Variants in EEPD1 observed in about 807,000 individuals in gnomAD.
EEPD1 encodes endonuclease/exonuclease/phosphatase family domain-containing protein 1.
Under a neutral mutation model 46.3 loss-of-function variants are expected in EEPD1, and 17 were observed. The ratio of observed to expected loss-of-function variants is 0.37; its 90% CI spans 0.25 to 0.55. EEPD1 has a LOEUF of 0.55. Among genes scored for constraint, EEPD1 ranks in the 20% least tolerant of loss-of-function variants. The pLI is 0.83. For synonymous variants in EEPD1, 313 were observed against 315.6 expected, an observed-to-expected ratio of 0.99 and a Z score of 0.09; for missense variants, 673 against 745.6, an observed-to-expected ratio of 0.90 and a Z score of 1.13.
chr7:36,299,444 C>T lies in EEPD1; in HGVS notation c.*238C>T. 8 of 570,346 alleles carry T rather than the reference C, an allele frequency of 1.4e-5. 1 individual carries two copies. The South Asian group carries it at 1.7e-4, about 12-fold the overall frequency. 35.3% of individuals were successfully genotyped at this position (570,346 alleles called of 1,614,324 possible). On this transcript the variant is annotated 3_prime_UTR_variant, in exon 8 of 8. Coordinates refer to ENST00000242108, the MANE Select transcript of EEPD1 (RefSeq NM_030636.3). ...AGAAACCTGCGGGGAGCGGAGACGC[C>T]TTTTATCTCTGGATGCCACAGACCT...
At chr7:36,295,785 C>T (rs1787513085) in intron 6 of EEPD1, among the ~76,000 whole-genome samples, 1 of 152,076 alleles carries the variant, frequency 6.6e-6, no homozygotes, top group African/African-American at 2.4e-5. Context: ...AATCCCAGCA[C>T]TTTGGGAGGG....
At chr7:36,184,033 G>A (rs917683396) in intron 2 of EEPD1, among the ~76,000 whole-genome samples, 2 of 151,878 alleles carry the variant, frequency 1.3e-5, no homozygotes, top group African/African-American at 4.8e-5. Flanking sequence ...CTTTTCTCTT[G>A]TGCAGGGATC....
At chr7:36,172,617 GTTT>G (rs70977113) in intron 2 of EEPD1, among the ~76,000 whole-genome samples, 9,150 of 100,014 alleles carry the variant, frequency 0.091, 407 homozygotes, top group African/African-American at 0.19. Flanking sequence ...AATATTATGA[GTTT>G]TTTTTTTTTT....
intron 2 of EEPD1, among the ~76,000 whole-genome samples, chr7:36,220,320 G>C (rs1359314377): frequency 6.6e-6 from 1 of 152,140 alleles, no homozygotes; most frequent in African/African-American, 2.4e-5. Context: ...AAAACTTAAG[G>C]GGGAAGGGAA....
intron 3 of EEPD1, among the ~76,000 whole-genome samples, chr7:36,275,959 G>C (rs1003735138): frequency 3.3e-5 from 5 of 152,126 alleles, no homozygotes; most frequent in Non-Finnish European, 7.4e-5. Flanking sequence ...ACAGCTCAAG[G>C]GTGTAGCCAA....
At chr7:36,269,267 AG>A (rs1276576930) in intron 3 of EEPD1, among the ~76,000 whole-genome samples, 1 of 152,214 alleles carries the variant, frequency 6.6e-6, no homozygotes, top group Non-Finnish European at 1.5e-5. Flanking sequence ...ATAAAGCTAG[AG>A]GGAAAAAATT....
chr7:36,165,164 G>A (rs1007920283), intron 2 of EEPD1, among the ~76,000 whole-genome samples: 2 of 152,184 alleles, frequency 1.3e-5, no homozygotes, highest in East Asian at 3.9e-4. Flanking sequence ...TCAGAGCAAC[G>A]TCCAGTCCTG....
intron 2 of EEPD1, among the ~76,000 whole-genome samples, chr7:36,160,727 G>A (rs927011478): frequency 1.3e-5 from 2 of 151,604 alleles, no homozygotes; most frequent in Admixed American, 1.3e-4. Context: ...TGAAGAAGCT[G>A]TTGCAGGATT....
chr7:36,215,404 C>T (rs1786012299), intron 2 of EEPD1, among the ~76,000 whole-genome samples: 1 of 152,220 alleles, frequency 6.6e-6, no homozygotes, highest in South Asian at 2.1e-4. Flanking sequence ...TATGGACATC[C>T]AGCAGCAGAT....
chr7:36,177,399 G>T (rs938208578), intron 2 of EEPD1, among the ~76,000 whole-genome samples: 1 of 152,112 alleles, frequency 6.6e-6, no homozygotes, highest in South Asian at 2.1e-4. Context: ...CCAGTAGGGA[G>T]TTTTTTCAAC....
At position 36,300,084 on chromosome 7, in the gene EEPD1, C is replaced by T. The variant is rs867964217; in HGVS notation, c.*878C>T. On this transcript the variant is annotated 3_prime_UTR_variant, in exon 8 of 8. Transcript: ENST00000242108. Reference sequence around the variant, plus strand: ...TTCTCTCAGGGTGGTATCACCTCCTCCCTCCTCCCCACTCACTCCAGTTTT... The same window carrying T: ...TTCTCTCAGGGTGGTATCACCTCCTTCCTCCTCCCCACTCACTCCAGTTTT... 1 of 152,358 alleles carries T rather than the reference C, an allele frequency of 6.6e-6. No individual in the cohort carries two copies. Among genetic ancestry groups the T allele is most frequent in the Admixed American group, 6.5e-5 (1 of 15,286 alleles). The allele number at this position is 152,358 out of a possible 1,614,324, so 9.4% of individuals were successfully genotyped here. A position where few individuals can be genotyped will look rare whatever the true frequency, so the allele number is the denominator to read the frequency against.
intron 2 of EEPD1, among the ~76,000 whole-genome samples, chr7:36,182,794 A>G (rs543338888): frequency 2.6e-5 from 4 of 152,242 alleles, no homozygotes; most frequent in Non-Finnish European, 5.9e-5. Context: ...CACGGGACCA[A>G]TTCACAGATG....
At chr7:36,172,322 G>A (rs1383564243) in intron 2 of EEPD1, among the ~76,000 whole-genome samples, 1 of 152,186 alleles carries the variant, frequency 6.6e-6, no homozygotes, top group Non-Finnish European at 1.5e-5. Flanking sequence ...CCTGAGAGGG[G>A]CCTGTCTCAT....
intron 2 of EEPD1, among the ~76,000 whole-genome samples, chr7:36,183,724 G>A (rs1340836083): frequency 1.3e-5 from 2 of 151,862 alleles, no homozygotes; most frequent in African/African-American, 4.8e-5. Context: ...TTGTTGTCCA[G>A]GCTGGTCTCA....
At chr7:36,262,485 G>A (rs62447769) in intron 3 of EEPD1, among the ~76,000 whole-genome samples, 4,198 of 152,324 alleles carry the variant, frequency 0.028, 91 homozygotes, top group Admixed American at 0.048. Flanking sequence ...AGAGGGCCAA[G>A]TGAGTGACTT....
chr7:36,271,462 G>GTTT (rs1233026553), intron 3 of EEPD1, among the ~76,000 whole-genome samples: 1 of 151,952 alleles, frequency 6.6e-6, no homozygotes, highest in Non-Finnish European at 1.5e-5. Flanking sequence ...GGGTTGTTTG[G>GTTT]TTTTTTCTTT....
chr7:36,176,598 A>G (rs1169653437), intron 2 of EEPD1, among the ~76,000 whole-genome samples: 1 of 152,224 alleles, frequency 6.6e-6, no homozygotes, highest in Non-Finnish European at 1.5e-5. Flanking sequence ...AGAGGAGTTT[A>G]TAATTTTTTC....
intron 2 of EEPD1, among the ~76,000 whole-genome samples, chr7:36,169,074 T>A (rs1785037157): frequency 6.6e-6 from 1 of 152,188 alleles, no homozygotes; most frequent in Admixed American, 6.5e-5. Flanking sequence ...GTTGAATAAT[T>A]TTCCACTATA....
chr7:36,236,463 G>A lies in EEPD1; in HGVS notation c.879-2522G>A, dbSNP rs562660119. ...CGCGGGATTGTTGGCCACGACAGCC[G>A]GTCTCCGTCTCTTTCTCGTTTCCCC... On this transcript the variant is annotated intron_variant, in intron 2 of 7. Transcript: ENST00000242108. Among the ~76,000 whole-genome samples the A allele has an allele frequency of 5.3e-5, 8 of 152,308 alleles. No individual in the cohort carries two copies. In the South Asian group the frequency reaches 8.3e-4, roughly 16 times the overall value.
Sources: allele counts gnomAD v4.1 joint callset (sites outside exome capture counted in the v4.1 genomes callset), GRCh38; gene constraint gnomAD v4.1.1; transcripts MANE v1.5; gene names NCBI Gene and HGNC (gene_info 2026-07-23, HGNC 2026-07-21).